Variants in MYH15 observed in about 807,000 individuals in gnomAD.
MYH15 encodes the protein myosin heavy chain 15.
In MYH15, 227 loss-of-function variants were observed where a neutral mutation model predicts 240.5. The ratio of observed to expected loss-of-function variants is 0.94; its 90% CI spans 0.85 to 1.05. The LOEUF (loss-of-function observed/expected upper bound fraction) is 1.05. Among genes scored for constraint, MYH15 ranks in the 50% least tolerant of loss-of-function variants. MYH15 has a pLI of 0.00. For missense variants in MYH15, 2,217 were observed against 2,247.5 expected, an observed-to-expected ratio of 0.99 and a Z score of 0.27; for synonymous variants, 785 against 796.7, an observed-to-expected ratio of 0.99 and a Z score of 0.25.
intron 36 of MYH15, among the ~76,000 whole-genome samples, chr3:108,392,547 T>C (rs953701246): frequency 3.3e-5 from 5 of 152,236 alleles, no homozygotes; most frequent in African/African-American, 9.6e-5. Flanking sequence ...TAGGTACATT[T>C]AATGTAAGAA....
intron 25 of MYH15, among the ~76,000 whole-genome samples, chr3:108,432,431 A>G (rs1383780503): frequency 1.3e-5 from 2 of 152,160 alleles, no homozygotes; most frequent in Non-Finnish European, 1.5e-5. Context: ...GATAGAAAAA[A>G]AAAAATCCCA....
intron 17 of MYH15, among the ~76,000 whole-genome samples, chr3:108,459,815 G>C (rs116940412): frequency 6.6e-6 from 1 of 152,168 alleles, no homozygotes; most frequent in Non-Finnish European, 1.5e-5. Flanking sequence ...CCAAACCTGA[G>C]ATGGGAATTC....
intron 14 of MYH15, among the ~76,000 whole-genome samples, chr3:108,468,745 A>T (rs935822179): frequency 4.6e-5 from 7 of 152,254 alleles, no homozygotes; most frequent in African/African-American, 1.4e-4. Context: ...TCAACTAAAA[A>T]TCAGTAACAT....
intron 11 of MYH15, among the ~76,000 whole-genome samples, chr3:108,483,202 TA>T (rs58381577): frequency 0.21 from 17,178 of 81,262 alleles, 1,090 homozygotes; most frequent in East Asian, 0.46. Context: ...TCTGTCTCCA[TA>T]AAAAAAAAAA....
chr3:108,463,724 T>C (rs1200232711), intron 15 of MYH15, among the ~76,000 whole-genome samples: 2 of 152,088 alleles, frequency 1.3e-5, no homozygotes, highest in African/African-American at 2.4e-5. Context: ...CAAAAGCCCA[T>C]TGTGCAGCCC....
chr3:108,416,753 AT>A, intron 29 of MYH15, 58 bp downstream of exon 29: 1 of 1,201,710 alleles, frequency 8.3e-7, no homozygotes, highest in Non-Finnish European at 1.1e-6. Context: ...ATCAAGCACT[AT>A]TTTTTAAAAA....
At chr3:108,473,344 T>C (rs183868908) in intron 12 of MYH15, among the ~76,000 whole-genome samples, 2 of 152,312 alleles carry the variant, frequency 1.3e-5, no homozygotes, top group East Asian at 3.9e-4. Flanking sequence ...CTCTTTCTCA[T>C]CTGTAAAATA....
At chr3:108,413,817 A>G (rs1314677174) in intron 30 of MYH15, among the ~76,000 whole-genome samples, 5 of 152,268 alleles carry the variant, frequency 3.3e-5, no homozygotes, top group African/African-American at 1.2e-4. Flanking sequence ...TGTAGTCTAC[A>G]AGTTGTAGAC....
chr3:108,470,264 C>T, intron 13 of MYH15, 52 bp from the exon 14 acceptor site: 1 of 1,335,240 alleles, frequency 7.5e-7, no homozygotes. Flanking sequence ...AATTGAGGTC[C>T]ACTTTCAAGA....
chr3:108,460,778 T>C (rs574945295), intron 16 of MYH15, among the ~76,000 whole-genome samples: 262 of 152,278 alleles, frequency 1.7e-3, no homozygotes, highest in Non-Finnish European at 2.5e-3. Context: ...AAAGTTAGTT[T>C]ACAAAGCCTA....
intron 21 of MYH15, among the ~76,000 whole-genome samples, chr3:108,453,458 C>G (rs1323000520): frequency 6.6e-6 from 1 of 152,222 alleles, no homozygotes; most frequent in Non-Finnish European, 1.5e-5. Flanking sequence ...ATTTTGCTAG[C>G]TTGCTTTTCA....
At chr3:108,387,225 C>T (rs906267596) in intron 38 of MYH15, among the ~76,000 whole-genome samples, 3 of 152,196 alleles carry the variant, frequency 2.0e-5, no homozygotes, top group Admixed American at 6.5e-5. Context: ...AACACCCTGC[C>T]TCCTTGTCCT....
chr3:108,405,335 T>C lies in MYH15; in HGVS notation c.4736+3A>G, dbSNP rs751925447. On this transcript the variant is annotated splice_donor_region_variant and intron_variant, in intron 33 of 40. Transcript: ENST00000693548. ...TGTTACACATCAAAATCATCTTAAA[T>C]ACCTAAAATTTTCTATTTCTTCATC... 3 of 1,465,636 alleles carry C rather than the reference T, an allele frequency of 2.0e-6. No individual in the cohort carries two copies. Among genetic ancestry groups the C allele is most frequent in the Non-Finnish European group, 1.9e-6 (2 of 1,079,336 alleles). The allele number at this position is 1,465,636 out of a possible 1,614,324, so 90.8% of individuals were successfully genotyped here.
upstream of MYH15, among the ~76,000 whole-genome samples, chr3:108,529,746 G>A (rs1265975188): frequency 6.6e-6 from 1 of 152,108 alleles, no homozygotes; most frequent in Non-Finnish European, 1.5e-5. Flanking sequence ...CTGAAAGAGG[G>A]GAGCAAACAA....
At chr3:108,385,366 C>G (rs2082374834) in intron 38 of MYH15, among the ~76,000 whole-genome samples, 1 of 152,190 alleles carries the variant, frequency 6.6e-6, no homozygotes, top group African/African-American at 2.4e-5. Flanking sequence ...TTCTGGAATT[C>G]TGATGCGGAG....
chr3:108,522,569 G>A (rs2083628760), intron 1 of MYH15, among the ~76,000 whole-genome samples: 1 of 151,904 alleles, frequency 6.6e-6, no homozygotes, highest in Admixed American at 6.6e-5. Context: ...AAGTAACTAT[G>A]CCCACCATAG....
At chr3:108,469,627 T>A (rs909131833) in intron 14 of MYH15, among the ~76,000 whole-genome samples, 14 of 152,222 alleles carry the variant, frequency 9.2e-5, no homozygotes, top group Non-Finnish European at 2.1e-4. Flanking sequence ...CAGTTGTTTG[T>A]TTGCATGCTA....
At chr3:108,505,937 T>C (rs1305780883) in intron 1 of MYH15, 108 bp from the exon 2 acceptor site, 2 of 678,304 alleles carry the variant, frequency 2.9e-6, no homozygotes, top group Non-Finnish European at 4.8e-6. Context: ...CTAAATCAGC[T>C]TGTTGACTAC....
At chr3:108,451,898 A>G (rs1432432963) in intron 21 of MYH15, among the ~76,000 whole-genome samples, 3 of 152,076 alleles carry the variant, frequency 2.0e-5, no homozygotes, top group Non-Finnish European at 4.4e-5. Context: ...TTGTTTCAAT[A>G]GATGCAGATA....
Sources: allele counts gnomAD v4.1 joint callset (sites outside exome capture counted in the v4.1 genomes callset), GRCh38; gene constraint gnomAD v4.1.1; transcripts MANE v1.5; gene names NCBI Gene and HGNC (gene_info 2026-07-23, HGNC 2026-07-21).